The following SELENOW variants were observed in gnomAD, a reference collection of about 807,000 sequenced individuals.
SELENOW encodes the protein selenoprotein W, 1.
A neutral mutation model predicts 16.6 loss-of-function variants in SELENOW; 20 were observed. That is an observed-to-expected ratio of 1.21 (90% confidence interval 0.85 to 1.76). SELENOW has a LOEUF of 1.76. Among genes scored for constraint, SELENOW ranks in the 40% most tolerant of loss-of-function variants. The probability of loss-of-function intolerance (pLI) is 0.00; values close to 1 mark genes in which losing one functional copy is unlikely to be tolerated. For missense variants in SELENOW, 124 were observed against 111.0 expected (o/e 1.12, Z -0.53); for synonymous variants, 44 against 46.2 (o/e 0.95, Z 0.19).
intron 1 of SELENOW, chr19:47,779,136 G>A: frequency 2.6e-6 from 1 of 385,310 alleles, no homozygotes; most frequent in East Asian, 4.9e-5. Flanking sequence ...AGGGACCTAA[G>A]GCTCCTCCAC....
At chr19:47,779,002 C>T (rs1599934618) in intron 1 of SELENOW, 188 bp downstream of exon 1, 1 of 567,846 alleles carries the variant, frequency 1.8e-6, no homozygotes, top group Non-Finnish European at 3.1e-6. Flanking sequence ...TAGGCCCCGT[C>T]TTCGACTTGT....
chr19:47,781,055 C>T, intron 3 of SELENOW, 53 bp from the exon 4 acceptor site: 2 of 1,575,932 alleles, frequency 1.3e-6, no homozygotes, highest in Non-Finnish European at 8.7e-7. Flanking sequence ...GGGAGGGTCT[C>T]CCCAAGAGGA....
intron 2 of SELENOW, 49 bp downstream of exon 2, chr19:47,780,798 T>G (rs1599936167): frequency 1.3e-6 from 2 of 1,592,332 alleles, no homozygotes; most frequent in South Asian, 1.1e-5. Context: ...TGGGGAGGGG[T>G]AGAGTGCATA....
chr19:47,782,399 CA>C (rs1157870025), intron 5 of SELENOW: 1 of 152,222 alleles, frequency 6.6e-6, no homozygotes, highest in Non-Finnish European at 1.5e-5. Context: ...GAATGAAATA[CA>C]CCACCAGCTC....
chr19:47,781,552 C>G, intron 5 of SELENOW, 164 bp downstream of exon 5: 1 of 612,124 alleles, frequency 1.6e-6, no homozygotes, highest in South Asian at 1.9e-5. Flanking sequence ...AGGACAACAA[C>G]TGAGATGGGG....
In SELENOW at chr19:47,781,126, C is replaced by T; in HGVS notation, c.127C>T (p.Gln43Ter). Residue 43 changes from glutamine to a stop codon, truncating the protein, a stop_gained, in exon 4 of 6, where the codon CAG (glutamine) becomes TAG (stop). Coordinates refer to ENST00000601048, the MANE Select transcript of SELENOW (RefSeq NM_003009.4). LOFTEE classifies it high-confidence loss of function. ...TCCTCAGTGCGGCGAGGGAACTCCC[C>T]AGGCCACCGGGTTCTTTGAAGTGAT... ...RLDICGEGTP[Q>*]ATGFFEVMVA... is the part of the protein sequence containing the mutation. The T allele has an allele frequency of 3.1e-6, 5 of 1,613,828 alleles. No homozygotes were observed. Among genetic ancestry groups the T allele is most frequent in the Non-Finnish European group, 4.2e-6 (5 of 1,179,808 alleles).
chr19:47,781,933 G>C (rs1202518573), intron 5 of SELENOW, among the ~76,000 whole-genome samples: 1 of 152,080 alleles, frequency 6.6e-6, no homozygotes, highest in Non-Finnish European at 1.5e-5. Flanking sequence ...TAGGGTCAGA[G>C]GTATGCAGGA....
At chr19:47,780,508 C>T (rs1967460862) in intron 1 of SELENOW, 1 of 591,872 alleles carries the variant, frequency 1.7e-6, no homozygotes, top group Non-Finnish European at 3.0e-6. Flanking sequence ...CCCCGCGCCA[C>T]CCCCTGTGCT....
Position 47,778,705 on chromosome 19 carries a change from T to C in SELENOW, c.-81T>C. ...CTTTCTGCGCAGGTTCCCGCCGCAC[T>C]CGCGCAGACCTAGCGCGTCCAGGTG... On this transcript the variant is annotated 5_prime_UTR_variant, in exon 1 of 6. Coordinates refer to ENST00000601048, the MANE Select transcript of SELENOW (RefSeq NM_003009.4). 6.7e-7 allele frequency: 1 copy of C among 1,489,314 alleles called. No homozygotes were observed. The highest frequency in any genetic ancestry group is 9.1e-7 in the Non-Finnish European group (1 of 1,104,474). The allele number at this position is 1,489,314 out of a possible 1,614,324, so 92.3% of individuals were successfully genotyped here. A position where few individuals can be genotyped will look rare whatever the true frequency, so the allele number is the denominator to read the frequency against.
Position 47,781,359 on chromosome 19 carries a change from G to C in SELENOW, c.253G>C (p.Ala85Pro). ...KLVAAIKAAL[A>P]QG ...GGTGGCCGCCATCAAAGCCGCCTTG[G>C]CTCAGGGCTAATGCGCCCTGAAGGC... Residue 85 changes from alanine (A) to proline (P), a missense_variant, in exon 5 of 6, where the codon GCT becomes CCT. Ala to Pro is a conservative substitution (Grantham distance 27). Transcript: ENST00000601048. 13 of 1,600,404 alleles carry C rather than the reference G, an allele frequency of 8.1e-6. No homozygotes were observed. Among genetic ancestry groups the C allele is most frequent in the Non-Finnish European group, 1.1e-5 (13 of 1,172,740 alleles).
intron 5 of SELENOW, chr19:47,782,548 CTTTT>C (rs3837957): frequency 3.3e-5 from 5 of 149,324 alleles, no homozygotes; most frequent in East Asian, 2.0e-4. Flanking sequence ...TTCTTTCTTT[CTTTT>C]TTTTTTGAGA....
intron 5 of SELENOW, chr19:47,783,904 T>G (rs1284603425): frequency 6.7e-6 from 1 of 149,004 alleles, no homozygotes; most frequent in East Asian, 2.0e-4. Flanking sequence ...TTTGAATTCT[T>G]TTTTTTTTTT....
In SELENOW at chr19:47,781,494, C is replaced by T. The variant is rs114965681; in HGVS notation, c.*18+106C>T. ...AGAGCCTGGGAGATGGGGGGGACAT[C>T]ACGTGTGTCCCCAGAGCGAGCGGGA... is the stretch of plus-strand genomic sequence containing the variant. On this transcript the variant is annotated intron_variant, in intron 5 of 5. Coordinates refer to ENST00000601048, the MANE Select transcript of SELENOW (RefSeq NM_003009.4). 6.2e-4 allele frequency: 422 copies of T among 680,360 alleles called. 1 individual carries two copies. The African/African-American group carries it at 7.0e-3, about 11-fold the overall frequency. 42.1% of individuals were successfully genotyped at this position (680,360 alleles called of 1,614,324 possible). A position where few individuals can be genotyped will look rare whatever the true frequency, so the allele number is the denominator to read the frequency against.
At chr19:47,781,664 G>T in intron 5 of SELENOW, 1 of 504,702 alleles carries the variant, frequency 2.0e-6, no homozygotes, top group Non-Finnish European at 3.6e-6. Context: ...AGCTGAGATG[G>T]TGATGGGTCA....
At chr19:47,780,472 T>C in intron 1 of SELENOW, 1 of 554,486 alleles carries the variant, frequency 1.8e-6, no homozygotes, top group Admixed American at 3.1e-5. Flanking sequence ...TTGCTTGGTG[T>C]TGGTTTTCTG....
chr19:47,779,263 T>G, intron 1 of SELENOW: 1 of 161,062 alleles, frequency 6.2e-6, no homozygotes, highest in Non-Finnish European at 1.4e-5. Context: ...TGTTGGCCTC[T>G]GCCCAGTGGG....
At chr19:47,781,459 C>A in intron 5 of SELENOW, 71 bp downstream of exon 5, 1 of 881,104 alleles carries the variant, frequency 1.1e-6, no homozygotes, top group Non-Finnish European at 1.8e-6. Flanking sequence ...GACTCCTTGG[C>A]CCAGGGTGGA....
rs566817434 is a variant in SELENOW, at chr19:47,778,708, C to T, written c.-78C>T. ...TCTGCGCAGGTTCCCGCCGCACTCG[C>T]GCAGACCTAGCGCGTCCAGGTGGGA... On this transcript the variant is annotated 5_prime_UTR_variant, in exon 1 of 6. Transcript: ENST00000601048. 2.1e-5 allele frequency: 31 copies of T among 1,509,278 alleles called. No homozygotes were observed. The highest frequency in any genetic ancestry group is 5.6e-5 in the African/African-American group (4 of 71,394). 93.5% of individuals were successfully genotyped at this position (1,509,278 alleles called of 1,614,324 possible).
intron 5 of SELENOW, chr19:47,783,401 C>T (rs1178600602): frequency 6.6e-6 from 1 of 152,212 alleles, no homozygotes; most frequent in African/African-American, 2.4e-5. Context: ...CGGGGTTTCA[C>T]CGTGTTAGCC....
Sources: gnomAD v4.1 joint callset for allele counts (sites outside exome capture counted in the v4.1 genomes callset) on GRCh38, gnomAD v4.1.1 for gene constraint, MANE v1.5 for transcripts, NCBI Gene and HGNC (gene_info 2026-07-23, HGNC 2026-07-21) for gene names.